Variants in RNF212 observed in about 807,000 individuals in gnomAD.
RNF212 encodes the protein probable E3 SUMO-protein ligase RNF212.
A neutral mutation model predicts 34.7 loss-of-function variants in RNF212; 33 were observed. That is an observed-to-expected ratio of 0.95 (90% confidence interval 0.72 to 1.27). The LOEUF (loss-of-function observed/expected upper bound fraction) is 1.27. Among genes scored for constraint, RNF212 ranks in the 50% most tolerant of loss-of-function variants. The probability of loss-of-function intolerance (pLI) is 0.00; values close to 1 mark genes in which losing one functional copy is unlikely to be tolerated. For synonymous variants in RNF212, 140 were observed against 136.1 expected, an observed-to-expected ratio of 1.03 and a Z score of -0.20; for missense variants, 377 against 362.2, an observed-to-expected ratio of 1.04 and a Z score of -0.33.
chr4:1,104,842 G>A lies in RNF212; in HGVS notation c.171+3501C>T, dbSNP rs182650417. ...TCGCCATGACCTGACATCTAATGGC[G>A]GCACGGGGCAGGACAGCTAAGAAAC... On this transcript the variant is annotated intron_variant, in intron 2 of 9. Coordinates refer to ENST00000433731, the MANE Select transcript of RNF212 (RefSeq NM_001131034.4). Among the ~76,000 whole-genome samples the A allele has an allele frequency of 3.3e-5, 5 of 152,260 alleles. No homozygotes were observed. The East Asian group carries it at 7.7e-4, about 24-fold the overall frequency.
chr4:1,064,959 G>C (rs1379681664), intron 3 of RNF212, among the ~76,000 whole-genome samples: 7 of 152,190 alleles, frequency 4.6e-5, no homozygotes, highest in Non-Finnish European at 8.8e-5. Context: ...CCACGCGGTA[G>C]CGTGTGCCAG....
intron 8 of RNF212, among the ~76,000 whole-genome samples, chr4:1,078,433 C>G (rs1394081454): frequency 1.3e-5 from 2 of 152,182 alleles, no homozygotes; most frequent in African/African-American, 4.8e-5. Flanking sequence ...TTCTGCCCAC[C>G]AGGACAGACG....
chr4:1,085,916 C>T lies in RNF212; in HGVS notation c.342G>A (p.Leu114=). ...CTTACCTTTGTAGTTGTTCTATCTGCAGCACTGACTTCCTAAGGGATTCTT... is the reference window on the plus strand; with the variant it reads ...CTTACCTTTGTAGTTGTTCTATCTGTAGCACTGACTTCCTAAGGGATTCTT... ...RLEESLRKSV[L]QIEQLQSMRS... Residue 114 remains leucine, a synonymous_variant, in exon 5 of 10, where the codon CTG becomes CTA. Transcript: ENST00000433731. 1.2e-6 allele frequency: 2 copies of T among 1,612,502 alleles called. No homozygotes were observed. The highest frequency in any genetic ancestry group is 1.7e-6 in the Non-Finnish European group (2 of 1,179,102).
At chr4:1,082,726 G>C (rs1449357117) in intron 5 of RNF212, among the ~76,000 whole-genome samples, 1 of 152,190 alleles carries the variant, frequency 6.6e-6, no homozygotes, top group African/African-American at 2.4e-5. Context: ...ACGGGCACTG[G>C]GCGTGTTTGG....
At chr4:1,057,829 C>A (rs1423735256) in intron 4 of RNF212, among the ~76,000 whole-genome samples, 1 of 152,208 alleles carries the variant, frequency 6.6e-6, no homozygotes, top group Non-Finnish European at 1.5e-5. Context: ...CCTTGGGAGG[C>A]CGAGGCAGGC....
At chr4:1,096,594 G>C (rs944565342) in intron 3 of RNF212, 171 bp downstream of exon 3, 1 of 646,964 alleles carries the variant, frequency 1.5e-6, no homozygotes, top group African/African-American at 2.0e-5. Context: ...CCATGGTCTC[G>C]GGATAGTGCA....
intron 5 of RNF212, among the ~76,000 whole-genome samples, chr4:1,082,145 A>G (rs547096936): frequency 6.6e-6 from 1 of 152,274 alleles, no homozygotes; most frequent in East Asian, 1.9e-4. Context: ...AGGAAGGGGA[A>G]AGGGAAAGGA....
chr4:1,069,469 A>G (rs957548848), downstream of RNF212, among the ~76,000 whole-genome samples: 2 of 152,174 alleles, frequency 1.3e-5, no homozygotes, highest in Non-Finnish European at 2.9e-5. Flanking sequence ...TGGGGGACAT[A>G]GTGGCTGCAG....
chr4:1,093,675 C>T (rs1722563976), intron 3 of RNF212: 1 of 1,536,124 alleles, frequency 6.5e-7, no homozygotes, highest in Non-Finnish European at 8.7e-7. Context: ...CAAAACCACC[C>T]TGGAGCGCAC....
chr4:1,098,561 C>T (rs1335555925), intron 2 of RNF212, among the ~76,000 whole-genome samples: 4 of 152,058 alleles, frequency 2.6e-5, no homozygotes, highest in East Asian at 3.9e-4. Context: ...TAGGAGCTCC[C>T]GTGTAACACC....
chr4:1,086,254 A>T (rs1277828837), intron 4 of RNF212, among the ~76,000 whole-genome samples: 1 of 152,066 alleles, frequency 6.6e-6, no homozygotes, highest in Non-Finnish European at 1.5e-5. Flanking sequence ...ACCTGGCCTC[A>T]AAGTCACACA....
At chr4:1,068,110 A>G (rs1245358138), downstream of RNF212, among the ~76,000 whole-genome samples, 1 of 152,234 alleles carries the variant, frequency 6.6e-6, no homozygotes, top group South Asian at 2.1e-4. Context: ...ATTTGACACT[A>G]TCCTAACATT....
intron 8 of RNF212, among the ~76,000 whole-genome samples, chr4:1,076,158 G>A (rs1719263368): frequency 6.6e-6 from 1 of 152,174 alleles, no homozygotes; most frequent in Non-Finnish European, 1.5e-5. Context: ...CCATCTGCAT[G>A]TGAAGGCAGA....
chr4:1,056,859 G>T, intron 4 of RNF212: 2 of 987,976 alleles, frequency 2.0e-6, no homozygotes, highest in Non-Finnish European at 2.4e-6. Context: ...CTCTGCAGCA[G>T]GCTGGGGATG....
chr4:1,093,437 C>T (rs1367286033), intron 3 of RNF212: 8 of 1,432,916 alleles, frequency 5.6e-6, no homozygotes, highest in African/African-American at 4.3e-5. Flanking sequence ...TACCACCTCA[C>T]GTCACACAGC....
At chr4:1,081,307 A>G in intron 7 of RNF212, 112 bp downstream of exon 7, 1 of 869,982 alleles carries the variant, frequency 1.1e-6, no homozygotes, top group South Asian at 1.4e-5. Flanking sequence ...AGTCAACTGT[A>G]TGGATTAGCA....
chr4:1,103,121 T>C (rs954621617), intron 2 of RNF212, among the ~76,000 whole-genome samples: 1 of 152,186 alleles, frequency 6.6e-6, no homozygotes, highest in African/African-American at 2.4e-5. Context: ...ACAAGCATAT[T>C]GATGACAAGA....
At chr4:1,102,341 T>C (rs571160942) in intron 2 of RNF212, among the ~76,000 whole-genome samples, 2 of 152,352 alleles carry the variant, frequency 1.3e-5, no homozygotes, top group South Asian at 4.1e-4. Flanking sequence ...AGTTCCACAG[T>C]TGGCCTTGTA....
intron 3 of RNF212, among the ~76,000 whole-genome samples, chr4:1,064,404 G>C (rs1036499170): frequency 6.6e-6 from 1 of 152,130 alleles, no homozygotes; most frequent in African/African-American, 2.4e-5. Context: ...ATCAACAGGA[G>C]AACTAAAACG....
Sources: gnomAD v4.1 joint callset for allele counts (sites outside exome capture counted in the v4.1 genomes callset) on GRCh38, gnomAD v4.1.1 for gene constraint, MANE v1.5 for transcripts, NCBI Gene and HGNC (gene_info 2026-07-23, HGNC 2026-07-21) for gene names.